The following NRXN3 variants were observed in gnomAD, a reference collection of about 807,000 sequenced individuals.
NRXN3 encodes the protein neurexin III.
In NRXN3, 32 loss-of-function variants were observed where a neutral mutation model predicts 137.6. The observed-to-expected ratio is 0.23, with a 90% confidence interval of 0.18 to 0.31. The LOEUF is 0.31. Ranked by LOEUF, NRXN3 falls within the 10% of genes least tolerant of loss-of-function variation. NRXN3 has a pLI of 1.00. For synonymous variants in NRXN3, 798 were observed against 784.5 expected, an observed-to-expected ratio of 1.02 and a Z score of -0.29; for missense variants, 1,574 against 2,062.5, an observed-to-expected ratio of 0.76 and a Z score of 4.59.
intron 15 of NRXN3, among the ~76,000 whole-genome samples, chr14:79,404,843 C>A (rs2095278153): frequency 6.6e-6 from 1 of 152,166 alleles, no homozygotes; most frequent in Admixed American, 6.5e-5. Flanking sequence ...TGTTTGCTTT[C>A]TTCTTTCATG....
At chr14:79,045,738 G>A (rs2099632110) in intron 15 of NRXN3, among the ~76,000 whole-genome samples, 1 of 152,160 alleles carries the variant, frequency 6.6e-6, no homozygotes, top group Non-Finnish European at 1.5e-5. Context: ...ACAAGATAAC[G>A]TTTTTTCATG....
chr14:78,302,100 G>A (rs2153532042), intron 4 of NRXN3, among the ~76,000 whole-genome samples: 1 of 152,284 alleles, frequency 6.6e-6, no homozygotes, highest in East Asian at 1.9e-4. Context: ...ATCTGCCTAG[G>A]ACTCAACTTT....
intron 16 of NRXN3, among the ~76,000 whole-genome samples, chr14:79,591,344 G>A (rs1221847695): frequency 2.6e-5 from 4 of 152,068 alleles, no homozygotes. Context: ...TCTGAGCCAT[G>A]GCTCTACATT....
intron 4 of NRXN3, among the ~76,000 whole-genome samples, chr14:78,421,597 C>A (rs763944567): frequency 1.3e-5 from 2 of 152,180 alleles, no homozygotes; most frequent in Non-Finnish European, 2.9e-5. Flanking sequence ...ATCCATCTCT[C>A]TTTCCCTAGC....
chr14:79,305,339 A>G (rs755655941), intron 15 of NRXN3, among the ~76,000 whole-genome samples: 1 of 152,062 alleles, frequency 6.6e-6, no homozygotes, highest in African/African-American at 2.4e-5. Flanking sequence ...TTTTCTCACT[A>G]TGGACTTCAT....
At chr14:78,195,742 AC>A (rs1225781811) in intron 1 of NRXN3, among the ~76,000 whole-genome samples, 2 of 152,154 alleles carry the variant, frequency 1.3e-5, no homozygotes, top group Non-Finnish European at 2.9e-5. Context: ...AAAGCATAGA[AC>A]CCAGCTTGTC....
At position 79,040,695 on chromosome 14, in the gene NRXN3, G is replaced by A. The variant is rs577252461; in HGVS notation, c.3262+52554G>A. ...ACCACAGAGAGGGGTCCCGGAAGAG[G>A]GTTGCCATTTTTACAGTTGAATGCA... On this transcript the variant is annotated intron_variant, in intron 15 of 20. Transcript: ENST00000335750. Among the ~76,000 whole-genome samples, 3 of 152,168 alleles carry A rather than the reference G, an allele frequency of 2.0e-5. No individual in the cohort carries two copies. The Middle Eastern group carries it at 0.01, about 518-fold the overall frequency.
intron 19 of NRXN3, among the ~76,000 whole-genome samples, chr14:79,768,936 A>G (rs1156370934): frequency 6.6e-6 from 1 of 151,564 alleles, no homozygotes; most frequent in African/African-American, 2.4e-5. Context: ...AAAGGAGCTG[A>G]TGGAGCTGAA....
At chr14:78,650,140 C>T (rs79570639) in intron 5 of NRXN3, among the ~76,000 whole-genome samples, 1,614 of 152,096 alleles carry the variant, frequency 0.011, 25 homozygotes, top group African/African-American at 0.036. Flanking sequence ...AGAGAAAAGA[C>T]TACCTTTTAG....
At chr14:79,549,241 A>G (rs2097351006) in intron 16 of NRXN3, among the ~76,000 whole-genome samples, 1 of 151,880 alleles carries the variant, frequency 6.6e-6, no homozygotes, top group Admixed American at 6.6e-5. Context: ...TAAAACTAAG[A>G]CTCCCTCTGG....
intron 15 of NRXN3, among the ~76,000 whole-genome samples, chr14:79,329,813 T>G (rs2153312988): frequency 6.6e-6 from 1 of 152,030 alleles, no homozygotes; most frequent in East Asian, 1.9e-4. Flanking sequence ...GACTGATGGC[T>G]TTAGCTACTG....
chr14:79,742,167 C>T (rs2098965357), intron 19 of NRXN3, among the ~76,000 whole-genome samples: 2 of 150,760 alleles, frequency 1.3e-5, no homozygotes, highest in Non-Finnish European at 2.9e-5. Context: ...GAATGACATT[C>T]CTATCATTGT....
In NRXN3 at chr14:78,397,859, C is replaced by T. The variant is rs570640389; in HGVS notation, c.757+99999C>T. On this transcript the variant is annotated intron_variant, in intron 4 of 20. Transcript: ENST00000335750. ...CCTCAAGTGATCTGCCTGCCTTGGC[C>T]CCCGCAAAGTGCTGGGATTACAGGC... Among the ~76,000 whole-genome samples the T allele has an allele frequency of 1.5e-4, 23 of 151,180 alleles. No individual in the cohort carries two copies. The East Asian group carries it at 4.1e-3, about 27-fold the overall frequency.
intron 15 of NRXN3, among the ~76,000 whole-genome samples, chr14:79,207,405 A>G (rs1342589188): frequency 6.6e-6 from 1 of 152,232 alleles, no homozygotes; most frequent in Non-Finnish European, 1.5e-5. Flanking sequence ...TCTGGGACAT[A>G]GTAAGACAAA....
chr14:79,782,096 C>T (rs2099115616), intron 19 of NRXN3, among the ~76,000 whole-genome samples: 1 of 152,156 alleles, frequency 6.6e-6, no homozygotes, highest in African/African-American at 2.4e-5. Flanking sequence ...TCCTTGAAAG[C>T]ACCCTGCACT....
chr14:79,093,677 A>G (rs555226786), intron 15 of NRXN3, among the ~76,000 whole-genome samples: 1 of 152,314 alleles, frequency 6.6e-6, no homozygotes, highest in Non-Finnish European at 1.5e-5. Context: ...CATGGGTGAC[A>G]TTGCAAAACT....
intron 8 of NRXN3, among the ~76,000 whole-genome samples, chr14:78,790,824 C>T (rs973748542): frequency 1.2e-4 from 18 of 152,134 alleles, no homozygotes; most frequent in Admixed American, 3.9e-4. Flanking sequence ...TAGGAATGAA[C>T]GTCAGCTTGA....
chr14:78,546,429 C>A (rs895427583), intron 4 of NRXN3, among the ~76,000 whole-genome samples: 1 of 152,096 alleles, frequency 6.6e-6, no homozygotes, highest in African/African-American at 2.4e-5. Flanking sequence ...TCTTGTCTTT[C>A]CATAGTAATA....
intron 19 of NRXN3, among the ~76,000 whole-genome samples, chr14:79,758,751 G>A (rs1398243383): frequency 6.6e-6 from 1 of 152,176 alleles, no homozygotes; most frequent in Non-Finnish European, 1.5e-5. Context: ...TTAGTAGAAG[G>A]TAAACTGATT....
Sources: allele counts gnomAD v4.1 joint callset (sites outside exome capture counted in the v4.1 genomes callset), GRCh38; gene constraint gnomAD v4.1.1; transcripts MANE v1.5; gene names NCBI Gene and HGNC (gene_info 2026-07-23, HGNC 2026-07-21).